Variants in SLC41A2 observed in about 807,000 individuals in gnomAD.
SLC41A2 encodes solute carrier family 41 member 2, also known as SLC41A1-like 1.
A neutral mutation model predicts 58.3 loss-of-function variants in SLC41A2; 32 were observed. The ratio of observed to expected loss-of-function variants is 0.55; its 90% CI spans 0.41 to 0.74. The LOEUF is 0.74. Among genes scored for constraint, SLC41A2 ranks in the 30% least tolerant of loss-of-function variants. The pLI is 0.00. For missense variants in SLC41A2, 514 were observed against 680.6 expected, an observed-to-expected ratio of 0.76 and a Z score of 2.72; for synonymous variants, 190 against 235.0, an observed-to-expected ratio of 0.81 and a Z score of 1.75.
intron 6 of SLC41A2, among the ~76,000 whole-genome samples, chr12:104,880,262 CAG>C (rs2044292436): frequency 6.6e-6 from 1 of 152,190 alleles, no homozygotes; most frequent in Non-Finnish European, 1.5e-5. Flanking sequence ...CCTCTGCAAA[CAG>C]GGACAATTTG....
At chr12:104,911,175 GAACCA>G (rs908924029) in intron 2 of SLC41A2, among the ~76,000 whole-genome samples, 1 of 152,094 alleles carries the variant, frequency 6.6e-6, no homozygotes, top group African/African-American at 2.4e-5. Flanking sequence ...CCACATTTCT[GAACCA>G]AACCAATGTA....
chr12:104,905,568 C>T (rs915306660), intron 3 of SLC41A2, among the ~76,000 whole-genome samples: 19 of 152,322 alleles, frequency 1.2e-4, no homozygotes, highest in South Asian at 1.0e-3. Context: ...CAGGGGGTGG[C>T]GCTCATCGGG....
chr12:104,832,231 C>T (rs2042062926), intron 10 of SLC41A2, among the ~76,000 whole-genome samples: 1 of 152,202 alleles, frequency 6.6e-6, no homozygotes, highest in African/African-American at 2.4e-5. Context: ...CTATGTCACA[C>T]TCTCCTTTCC....
intron 8 of SLC41A2, among the ~76,000 whole-genome samples, chr12:104,860,845 G>T (rs534001473): frequency 6.6e-6 from 1 of 152,104 alleles, no homozygotes; most frequent in East Asian, 1.9e-4. Flanking sequence ...AAAGCACTGG[G>T]ATTGCAGTCA....
At chr12:104,808,749 G>A (rs558908259) in intron 10 of SLC41A2, among the ~76,000 whole-genome samples, 25 of 152,314 alleles carry the variant, frequency 1.6e-4, no homozygotes, top group East Asian at 7.7e-4. Flanking sequence ...TTCAGAGCCT[G>A]TTATTGGTCT....
intron 10 of SLC41A2, among the ~76,000 whole-genome samples, chr12:104,826,930 T>C (rs889574803): frequency 1.3e-5 from 2 of 152,100 alleles, no homozygotes; most frequent in South Asian, 4.1e-4. Flanking sequence ...GTAAATATTA[T>C]CCAATTGGAA....
intron 10 of SLC41A2, among the ~76,000 whole-genome samples, chr12:104,821,812 G>A (rs2041648401): frequency 6.6e-6 from 1 of 152,168 alleles, no homozygotes; most frequent in Non-Finnish European, 1.5e-5. Flanking sequence ...TTGTAGTGTT[G>A]TATTTTTGAG....
chr12:104,808,382 T>C (rs1333940024), intron 10 of SLC41A2, among the ~76,000 whole-genome samples: 2 of 152,224 alleles, frequency 1.3e-5, no homozygotes, highest in African/African-American at 4.8e-5. Context: ...TTGATTTGTG[T>C]ATGTTGAACC....
At chr12:104,957,541 C>CA (rs1027593637) in intron 1 of SLC41A2, among the ~76,000 whole-genome samples, 11 of 151,214 alleles carry the variant, frequency 7.3e-5, no homozygotes, top group African/African-American at 1.9e-4. Context: ...ATTGTCACTA[C>CA]AAAAAAAAGA....
intron 2 of SLC41A2, among the ~76,000 whole-genome samples, chr12:104,916,029 A>C (rs1262646718): frequency 6.6e-6 from 1 of 152,108 alleles, no homozygotes; most frequent in African/African-American, 2.4e-5. Context: ...TGAGATAATC[A>C]TGTGGTTTTT....
chr12:104,828,487 A>G (rs1008026887), intron 10 of SLC41A2, among the ~76,000 whole-genome samples: 54 of 152,316 alleles, frequency 3.5e-4, no homozygotes, highest in African/African-American at 1.2e-3. Flanking sequence ...TAGCTAAACT[A>G]AAAGAGCACC....
At chr12:104,878,577 C>T (rs2135585618) in intron 6 of SLC41A2, among the ~76,000 whole-genome samples, 1 of 152,008 alleles carries the variant, frequency 6.6e-6, no homozygotes, top group African/African-American at 2.4e-5. Context: ...GTTTTCTGTC[C>T]ATGCAACAGT....
intron 10 of SLC41A2, among the ~76,000 whole-genome samples, chr12:104,841,523 C>G (rs1248581173): frequency 6.6e-6 from 1 of 151,864 alleles, no homozygotes; most frequent in African/African-American, 2.4e-5. Context: ...ATGGATGAGA[C>G]AGACACAATA....
In SLC41A2 at chr12:104,909,745, T is replaced by C. The variant is rs531090083; in HGVS notation, c.573A>G (p.Arg191=). 6.2e-7 allele frequency: 1 copy of C among 1,606,758 alleles called. No homozygotes were observed. Among genetic ancestry groups the C allele is most frequent in the South Asian group, 1.1e-5 (1 of 89,372 alleles). The change falls in exon 3 of 11, where the codon AGA becomes AGG. Residue 191 remains arginine, a synonymous_variant. Transcript: ENST00000258538. ...CTAAAATGAAAACTTCTGTAACTTT[T>C]CTGAACACCTCCCAGTGCTGTAAGA... ...LDIVQHWEVF[R]KVTEVFILVP...
intron 4 of SLC41A2, among the ~76,000 whole-genome samples, chr12:104,894,109 T>G (rs1396891687): frequency 6.6e-6 from 1 of 152,126 alleles, no homozygotes; most frequent in Admixed American, 6.5e-5. Flanking sequence ...CTCATGAATA[T>G]ATACACCTAC....
intron 1 of SLC41A2, among the ~76,000 whole-genome samples, chr12:104,947,640 C>T (rs927758138): frequency 2.0e-5 from 3 of 151,494 alleles, no homozygotes; most frequent in African/African-American, 7.3e-5. Context: ...AAATTACATA[C>T]ATATTTTACA....
intron 10 of SLC41A2, among the ~76,000 whole-genome samples, chr12:104,812,498 A>G (rs1592917391): frequency 6.6e-6 from 1 of 152,140 alleles, no homozygotes; most frequent in African/African-American, 2.4e-5. Flanking sequence ...TCTGTGCCCA[A>G]TTTATCAGTC....
Position 104,928,045 on chromosome 12 carries a change from C to T in SLC41A2, c.483G>A (p.Leu161=), listed in dbSNP as rs371474804. Residue 161 remains leucine, a synonymous_variant, in exon 2 of 11, where the codon TTG becomes TTA. Transcript: ENST00000258538. ...LPKESSGIMA[L]QILVPFLLAG... Reference sequence around the variant, plus strand: ...CTAGCAAAAAGGGCACAAGTATTTGCAATGCCATGATGCCACTGGATTCCT... The same window carrying T: ...CTAGCAAAAAGGGCACAAGTATTTGTAATGCCATGATGCCACTGGATTCCT... 6.2e-7 allele frequency: 1 copy of T among 1,613,946 alleles called. No homozygotes were observed. The highest frequency in any genetic ancestry group is 8.5e-7 in the Non-Finnish European group (1 of 1,179,970).
At chr12:104,914,687 G>A (rs1237802138) in intron 2 of SLC41A2, among the ~76,000 whole-genome samples, 1 of 152,180 alleles carries the variant, frequency 6.6e-6, no homozygotes, top group African/African-American at 2.4e-5. Flanking sequence ...TCAACAGCAA[G>A]GGCTCTAGAG....
Sources: allele counts gnomAD v4.1 joint callset (sites outside exome capture counted in the v4.1 genomes callset), GRCh38; gene constraint gnomAD v4.1.1; transcripts MANE v1.5; gene names NCBI Gene and HGNC (gene_info 2026-07-23, HGNC 2026-07-21).